The following CCDC85C variants were observed in gnomAD, a reference collection of about 807,000 sequenced individuals.
The protein encoded by CCDC85C is coiled-coil domain-containing protein 85C.
CCDC85C carries 18 observed loss-of-function variants against 38.3 expected under a neutral mutation model. The ratio of observed to expected loss-of-function variants is 0.47; its 90% CI spans 0.33 to 0.70. CCDC85C has a LOEUF of 0.70. Ranked by LOEUF, CCDC85C falls within the 30% of genes least tolerant of loss-of-function variation. The pLI is 0.03. For synonymous variants in CCDC85C, 264 were observed against 293.8 expected, an observed-to-expected ratio of 0.90 and a Z score of 1.04; for missense variants, 566 against 621.2, an observed-to-expected ratio of 0.91 and a Z score of 0.94.
At chr14:99,532,643 C>T (rs148025408) in intron 2 of CCDC85C, among the ~76,000 whole-genome samples, 26 of 152,264 alleles carry the variant, frequency 1.7e-4, no homozygotes, top group African/African-American at 4.1e-4. Flanking sequence ...CCACTGCTGC[C>T]GAGAGCCAAG....
At chr14:99,578,239 G>GT (rs2054921049) in intron 1 of CCDC85C, among the ~76,000 whole-genome samples, 1 of 114,304 alleles carries the variant, frequency 8.7e-6, no homozygotes, top group South Asian at 3.0e-4. Context: ...ATCCCCCATC[G>GT]GTGTGTTTGT....
intron 1 of CCDC85C, among the ~76,000 whole-genome samples, chr14:99,559,844 C>T (rs1021947425): frequency 1.2e-4 from 19 of 152,096 alleles, no homozygotes; most frequent in Non-Finnish European, 2.5e-4. Context: ...CAGGTGGGCC[C>T]GCAGCCAGCA....
At chr14:99,602,423 C>T (rs1315244822) in intron 1 of CCDC85C, among the ~76,000 whole-genome samples, 1 of 152,256 alleles carries the variant, frequency 6.6e-6, no homozygotes, top group Non-Finnish European at 1.5e-5. Context: ...TAAATCCCTT[C>T]AGAAGGTTTA....
At position 99,544,487 on chromosome 14, in the gene CCDC85C, A is replaced by AGG. The variant is rs1897769890; in HGVS notation, c.794-8401_794-8400dup. Among the ~76,000 whole-genome samples, 1 of 146,124 alleles carries AGG rather than the reference A, an allele frequency of 6.8e-6. No homozygotes were observed. The highest frequency in any genetic ancestry group is 2.1e-4 in the South Asian group (1 of 4,666). Reference sequence around the variant, plus strand: ...TCATAAAAACAGGGCTAAAATTTGAAGGGTGTGTGTGTGTGTGTGTGTGTG... The same window carrying AGG: ...TCATAAAAACAGGGCTAAAATTTGAAGGGGGTGTGTGTGTGTGTGTGTGTGTG... On this transcript the variant is annotated intron_variant, in intron 1 of 5. Coordinates refer to ENST00000380243, the MANE Select transcript of CCDC85C (RefSeq NM_001144995.2). The surrounding 1 kb of genome is among the most constrained non-coding windows in gnomAD (Gnocchi z 5.3).
intron 1 of CCDC85C, among the ~76,000 whole-genome samples, chr14:99,579,500 T>TC (rs2054942010): frequency 1.3e-5 from 2 of 152,158 alleles, no homozygotes; most frequent in African/African-American, 2.4e-5. Context: ...CCAGCCCTGG[T>TC]CCTTCTGCCC....
Position 99,503,119 on chromosome 14 carries a change from TG to T in CCDC85C, c.*12126del. On this transcript the variant is annotated 3_prime_UTR_variant, in exon 6 of 6. Transcript: ENST00000380243. ...TGTTCGCCGAAACTCGCAGTCCGACTGCTTGTCGGTGGGGAGCCTGAAAACA... is the reference window on the plus strand; with the variant it reads ...TGTTCGCCGAAACTCGCAGTCCGACTCTTGTCGGTGGGGAGCCTGAAAACA... The T allele has an allele frequency of 1.0e-6, 1 of 1,001,934 alleles. No individual in the cohort carries two copies. Among genetic ancestry groups the T allele is most frequent in the South Asian group, 1.3e-5 (1 of 77,280 alleles). 62.1% of individuals were successfully genotyped at this position (1,001,934 alleles called of 1,614,324 possible).
intron 2 of CCDC85C, 155 bp from the exon 3 acceptor site, chr14:99,522,395 A>G (rs1352151711): frequency 3.2e-5 from 18 of 562,680 alleles, no homozygotes; most frequent in Non-Finnish European, 5.4e-5. Flanking sequence ...CCATCCCCCG[A>G]GCCGGGATCA....
intron 2 of CCDC85C, among the ~76,000 whole-genome samples, chr14:99,531,352 T>C (rs1897489161): frequency 6.6e-6 from 1 of 151,960 alleles, no homozygotes; most frequent in Non-Finnish European, 1.5e-5. Flanking sequence ...GGCCCCAGCG[T>C]CAATTACAGC....
chr14:99,552,041 A>T (rs1377292581), intron 1 of CCDC85C, among the ~76,000 whole-genome samples: 1 of 152,178 alleles, frequency 6.6e-6, no homozygotes, highest in Non-Finnish European at 1.5e-5. Flanking sequence ...GTCCCAGACA[A>T]CCTGGAGGTC....
intron 1 of CCDC85C, among the ~76,000 whole-genome samples, chr14:99,596,562 G>A (rs933551178): frequency 7.9e-5 from 12 of 152,242 alleles, no homozygotes; most frequent in Admixed American, 4.6e-4. Flanking sequence ...ACCCATCCCC[G>A]GCTGACCCGG....
At chr14:99,570,939 C>T (rs138782696) in intron 1 of CCDC85C, among the ~76,000 whole-genome samples, 49 of 152,218 alleles carry the variant, frequency 3.2e-4, no homozygotes, top group African/African-American at 1.1e-3. Flanking sequence ...GAAGGCAACC[C>T]ACCCCTGCCT....
chr14:99,559,923 G>A lies in CCDC85C; in HGVS notation c.794-23835C>T, dbSNP rs1163199385. On this transcript the variant is annotated intron_variant, in intron 1 of 5. Coordinates refer to ENST00000380243, the MANE Select transcript of CCDC85C (RefSeq NM_001144995.2). Reference sequence around the variant, plus strand: ...AGAAATCTTCCCAGCAGAGGCCACGGGACTGGGTTGCATGGGTCTGGGTTT... The same window carrying A: ...AGAAATCTTCCCAGCAGAGGCCACGAGACTGGGTTGCATGGGTCTGGGTTT... 2.0e-5 allele frequency among the ~76,000 whole-genome samples: 3 copies of A among 151,972 alleles called. No individual in the cohort carries two copies. In the East Asian group the frequency reaches 5.8e-4, roughly 29 times the overall value.
chr14:99,598,570 G>A (rs1395364722), intron 1 of CCDC85C, among the ~76,000 whole-genome samples: 1 of 152,186 alleles, frequency 6.6e-6, no homozygotes, highest in Admixed American at 6.5e-5. Flanking sequence ...AGGGAGACAG[G>A]AATGAGGCCC....
intron 1 of CCDC85C, among the ~76,000 whole-genome samples, chr14:99,559,474 T>C (rs1355133595): frequency 7.7e-6 from 1 of 130,522 alleles, no homozygotes; most frequent in African/African-American, 3.4e-5. Flanking sequence ...GCTGAGCAAA[T>C]TCCAGACACA....
At chr14:99,591,575 G>C (rs1247500038) in intron 1 of CCDC85C, among the ~76,000 whole-genome samples, 2 of 151,840 alleles carry the variant, frequency 1.3e-5, no homozygotes, top group African/African-American at 4.9e-5. Flanking sequence ...GGACGGGGGG[G>C]CCACCTGAGG....
rs921658036 is a variant in CCDC85C, at chr14:99,511,955, G to T, written c.*3291C>A. The T allele has an allele frequency of 7.9e-5, 12 of 152,274 alleles. No homozygotes were observed. The highest frequency in any genetic ancestry group is 2.9e-4 in the African/African-American group (12 of 41,440). 9.4% of individuals were successfully genotyped at this position (152,274 alleles called of 1,614,324 possible). On this transcript the variant is annotated 3_prime_UTR_variant, in exon 6 of 6. Coordinates refer to ENST00000380243, the MANE Select transcript of CCDC85C (RefSeq NM_001144995.2). ...GGCCCCGACTGAGCCCCCATCTGCG[G>T]TGCTTGAGGGGCCTTGGCCCTGTCT...
rs1166806636 is a variant in CCDC85C at position 99,603,681 on chromosome 14, G to A, written c.279C>T (p.Asp93=). ...CCAGCTTGCGCCCCTTCTGCCGGTC[G>A]TCGTCGAGGAAGCAGCAGAGCTCGC... The part of the protein sequence containing the change: ...ELRELCCFLD[D]DRQKGRKLAR... The change falls in exon 1 of 6, where the codon GAC becomes GAT. Residue 93 remains aspartate (D), a synonymous_variant. Coordinates refer to ENST00000380243, the MANE Select transcript of CCDC85C (RefSeq NM_001144995.2). This position sits in a 1 kb window ranked among gnomAD's most constrained non-coding sequence, Gnocchi z 7.5. 6.7e-7 allele frequency: 1 copy of A among 1,496,400 alleles called. No homozygotes were observed. Among genetic ancestry groups the A allele is most frequent in the East Asian group, 2.7e-5 (1 of 36,514 alleles). 92.7% of individuals were successfully genotyped at this position (1,496,400 alleles called of 1,614,324 possible). A position where few individuals can be genotyped will look rare whatever the true frequency, so the allele number is the denominator to read the frequency against.
intron 1 of CCDC85C, among the ~76,000 whole-genome samples, chr14:99,554,205 T>C (rs1289687912): frequency 6.6e-6 from 1 of 152,052 alleles, no homozygotes; most frequent in African/African-American, 2.4e-5. Context: ...ACTGTGGCCA[T>C]CCCAGCACAC....
In CCDC85C at chr14:99,603,356, C is replaced by A; in HGVS notation, c.604G>T (p.Val202Leu). 2 of 1,276,204 alleles carry A rather than the reference C, an allele frequency of 1.6e-6. No individual in the cohort carries two copies. Among genetic ancestry groups the A allele is most frequent in the East Asian group, 3.2e-5 (1 of 31,460 alleles). The allele number at this position is 1,276,204 out of a possible 1,614,324, so 79.1% of individuals were successfully genotyped here. A position where few individuals can be genotyped will look rare whatever the true frequency, so the allele number is the denominator to read the frequency against. Reference protein sequence around the residue: ...GGAPGAGARDVGDGSSTSSAG... With the variant: ...GGAPGAGARDLGDGSSTSSAG... ...CTGGACGTACTGCTGCCGTCGCCCA[C>A]GTCGCGGGCCCCCGCGCCGGGCGCG... Residue 202 changes from valine to leucine, a missense_variant, in exon 1 of 6, where the codon GTG becomes TTG. This residue lies in a region of CCDC85C where 11 missense variants were observed against 36.6 expected (regional missense o/e 0.30). Transcript: ENST00000380243. The surrounding 1 kb of genome is among the most constrained non-coding windows in gnomAD (Gnocchi z 7.5).
Sources: gnomAD v4.1 joint callset for allele counts (sites outside exome capture counted in the v4.1 genomes callset) on GRCh38, gnomAD v4.1.1 for gene constraint, gnomAD v4.1.1 regional missense constraint, Gnocchi (gnomAD v3.1) non-coding constraint, MANE v1.5 for transcripts, NCBI Gene and HGNC (gene_info 2026-07-23, HGNC 2026-07-21) for gene names.